Variants in HECW2 observed in about 807,000 individuals in gnomAD.
The protein encoded by HECW2 is E3 ubiquitin-protein ligase HECW2.
In HECW2, 61 loss-of-function variants were observed where a neutral mutation model predicts 175.2. The observed-to-expected ratio is 0.35, with a 90% confidence interval of 0.28 to 0.43. The LOEUF is 0.43. Among genes scored for constraint, HECW2 ranks in the 20% least tolerant of loss-of-function variants. The pLI is 1.00. For missense variants in HECW2, 1,524 were observed against 2,000.5 expected, an observed-to-expected ratio of 0.76 and a Z score of 4.54; for synonymous variants, 671 against 731.0, an observed-to-expected ratio of 0.92 and a Z score of 1.32.
intron 28 of HECW2, among the ~76,000 whole-genome samples, chr2:196,206,896 A>G (rs1365982693): frequency 2.0e-5 from 3 of 152,200 alleles, no homozygotes; most frequent in South Asian, 2.1e-4. Flanking sequence ...TAATAATACT[A>G]TGAGTTACAA....
intron 18 of HECW2, among the ~76,000 whole-genome samples, chr2:196,257,369 G>T (rs987233432): frequency 6.6e-6 from 1 of 152,152 alleles, no homozygotes; most frequent in Non-Finnish European, 1.5e-5. Flanking sequence ...TTTCTGATCT[G>T]ATTTCCCAAA....
chr2:196,349,378 A>C (rs1693086117), intron 2 of HECW2, among the ~76,000 whole-genome samples: 2 of 152,228 alleles, frequency 1.3e-5, no homozygotes, highest in Non-Finnish European at 2.9e-5. Context: ...TGGAGATGTT[A>C]ATACATATAT....
intron 2 of HECW2, among the ~76,000 whole-genome samples, chr2:196,369,649 C>T (rs1693852327): frequency 6.6e-6 from 1 of 152,142 alleles, no homozygotes; most frequent in South Asian, 2.1e-4. Flanking sequence ...CTAAAGATGC[C>T]ATCAAGGAAC....
At position 196,274,113 on chromosome 2, in the gene HECW2, T is replaced by C; in HGVS notation, c.3146A>G (p.Asp1049Gly). ...RSHSAGEVGE[D>G]SRHAGPPVLP... ...AACTGGTGGTCCTGCATGTCGAGAA[T>C]CTTCTCCTACCTGCAAACAGAAGCA... Residue 1049 changes from aspartate to glycine, a missense_variant, in exon 16 of 29, where the codon GAT (aspartate) becomes GGT (glycine). By Grantham distance (94) the Asp-to-Gly change is moderately conservative. Coordinates refer to ENST00000644978, the MANE Select transcript of HECW2 (RefSeq NM_001348768.2). 6.2e-7 allele frequency: 1 copy of C among 1,613,388 alleles called. No individual in the cohort carries two copies. The highest frequency in any genetic ancestry group is 8.5e-7 in the Non-Finnish European group (1 of 1,179,350).
intron 1 of HECW2, among the ~76,000 whole-genome samples, chr2:196,523,539 T>C (rs1297846038): frequency 6.7e-6 from 1 of 149,554 alleles, no homozygotes; most frequent in Non-Finnish European, 1.5e-5. Flanking sequence ...AGAGAGGGCA[T>C]CCCTGTCTTG....
chr2:196,440,113 G>A (rs1695996814), intron 1 of HECW2, among the ~76,000 whole-genome samples: 1 of 152,142 alleles, frequency 6.6e-6, no homozygotes, highest in Non-Finnish European at 1.5e-5. Flanking sequence ...ATATATCCAA[G>A]TAAATATAAC....
At chr2:196,362,235 G>A (rs1693612023) in intron 2 of HECW2, 1 of 982,096 alleles carries the variant, frequency 1.0e-6, no homozygotes, top group African/African-American at 1.8e-5. Flanking sequence ...CCTGTAAAGG[G>A]TACAGGATGC....
chr2:196,373,419 T>C (rs1223866273), intron 2 of HECW2, among the ~76,000 whole-genome samples: 2 of 152,184 alleles, frequency 1.3e-5, no homozygotes, highest in African/African-American at 4.8e-5. Flanking sequence ...CAAATATAAC[T>C]AAAATCACAG....
At chr2:196,226,166 T>C in intron 22 of HECW2, among the ~76,000 whole-genome samples, 1 of 152,068 alleles carries the variant, frequency 6.6e-6, no homozygotes, top group South Asian at 2.1e-4. Context: ...CTTGGTGCTA[T>C]CTTCATGATA....
chr2:196,414,981 A>G (rs544519475), intron 2 of HECW2, among the ~76,000 whole-genome samples: 2 of 152,264 alleles, frequency 1.3e-5, no homozygotes, highest in Non-Finnish European at 2.9e-5. Context: ...GGTAGAGGGA[A>G]GTACCCCTGC....
chr2:196,449,375 G>A (rs1003631636), intron 1 of HECW2, among the ~76,000 whole-genome samples: 9 of 152,184 alleles, frequency 5.9e-5, no homozygotes, highest in African/African-American at 2.2e-4. Flanking sequence ...GAACACATGA[G>A]AAGGTATAAA....
rs149886635 is a variant in HECW2, at chr2:196,372,158, C to T, written c.293-28394G>A. Among the ~76,000 whole-genome samples, 289 of 152,294 alleles carry T rather than the reference C, an allele frequency of 1.9e-3. 2 individuals are homozygous for T. In the Middle Eastern group the frequency reaches 0.027, roughly 14 times the overall value. On this transcript the variant is annotated intron_variant, in intron 2 of 28. Coordinates refer to ENST00000644978, the MANE Select transcript of HECW2 (RefSeq NM_001348768.2). ...TCTCAAAAAGCAGGTCCTTTAACTG[C>T]TTTGCTCATCTTAATGCCAGGTCCC...
chr2:196,245,521 C>G (rs1363598429), intron 19 of HECW2, among the ~76,000 whole-genome samples: 1 of 152,054 alleles, frequency 6.6e-6, no homozygotes, highest in African/African-American at 2.4e-5. Flanking sequence ...AAATACAGGG[C>G]TGGAATTGGG....
intron 18 of HECW2, 100 bp from the exon 19 acceptor site, chr2:196,254,129 T>C: frequency 2.0e-6 from 3 of 1,501,186 alleles, no homozygotes; most frequent in Non-Finnish European, 2.7e-6. Flanking sequence ...ATCCGGTTTA[T>C]ATCCCAAAGA....
chr2:196,392,003 G>C (rs570209318), intron 2 of HECW2, among the ~76,000 whole-genome samples: 1 of 152,250 alleles, frequency 6.6e-6, no homozygotes, highest in African/African-American at 2.4e-5. Flanking sequence ...CTGTAATCCA[G>C]TATGACCTTA....
At chr2:196,303,767 A>G (rs768038030) in intron 13 of HECW2, among the ~76,000 whole-genome samples, 122 of 152,168 alleles carry the variant, frequency 8.0e-4, no homozygotes, top group Non-Finnish European at 1.2e-3. Context: ...GTCCCTTATC[A>G]TTTCTGATTG....
intron 1 of HECW2, among the ~76,000 whole-genome samples, chr2:196,584,804 AG>A: frequency 6.6e-6 from 1 of 152,334 alleles, no homozygotes; most frequent in African/African-American, 2.4e-5. Flanking sequence ...CTCCATCTAA[AG>A]GAAGTCTCAG....
rs1411028554 is a variant in HECW2 at position 196,334,472 on chromosome 2, G to A, written c.447C>T (p.Ala149=). The change falls in exon 4 of 29, where the codon GCC becomes GCT. Residue 149 remains alanine, a synonymous_variant. Coordinates refer to ENST00000644978, the MANE Select transcript of HECW2 (RefSeq NM_001348768.2). The part of the protein sequence containing the change: ...CFKYYHGISG[A]LRATTPCITV... The stretch of plus-strand genomic sequence containing the variant: ...TGATGCAGGGGGTCGTGGCTCGCAG[G>A]GCTCCACTAATGCCGTGGTAATATT... 3 of 1,609,866 alleles carry A rather than the reference G, an allele frequency of 1.9e-6. No individual in the cohort carries two copies. The highest frequency in any genetic ancestry group is 2.5e-6 in the Non-Finnish European group (3 of 1,178,258).
At chr2:196,563,510 G>T (rs1230737856) in intron 1 of HECW2, among the ~76,000 whole-genome samples, 2 of 149,254 alleles carry the variant, frequency 1.3e-5, no homozygotes, top group African/African-American at 2.5e-5. Context: ...AGGTTGTAGT[G>T]AGCCGAGATC....
Sources: gnomAD v4.1 joint callset for allele counts (sites outside exome capture counted in the v4.1 genomes callset) on GRCh38, gnomAD v4.1.1 for gene constraint, MANE v1.5 for transcripts, NCBI Gene and HGNC (gene_info 2026-07-23, HGNC 2026-07-21) for gene names.